The following GUCY1A2 variants were observed in gnomAD, a reference collection of about 807,000 sequenced individuals.
The protein encoded by GUCY1A2 is guanylate cyclase soluble subunit alpha-2.
A neutral mutation model predicts 63.5 loss-of-function variants in GUCY1A2; 27 were observed. That is an observed-to-expected ratio of 0.43 (90% CI 0.31 to 0.59). GUCY1A2 has a LOEUF of 0.59. Among genes scored for constraint, GUCY1A2 ranks in the 20% least tolerant of loss-of-function variants. The pLI is 0.11. For missense variants in GUCY1A2, 768 were observed against 913.3 expected (o/e 0.84, Z 2.05); for synonymous variants, 364 against 343.5 (o/e 1.06, Z -0.66).
Position 107,008,795 on chromosome 11 carries a change from C to T in GUCY1A2, c.303+8958G>A, listed in dbSNP as rs78382371. ...AAATCACGATATATATACACGTGTG[C>T]GTGTGTACATAAAAACAGTCAGAAA... On this transcript the variant is annotated intron_variant, in intron 1 of 7. Coordinates refer to ENST00000526355, the MANE Select transcript of GUCY1A2 (RefSeq NM_000855.3). 5.2e-3 allele frequency among the ~76,000 whole-genome samples: 795 copies of T among 152,208 alleles called. 6 individuals are homozygous for T. The highest frequency in any genetic ancestry group is 0.018 in the African/African-American group (742 of 41,520).
intron 3 of GUCY1A2, among the ~76,000 whole-genome samples, chr11:106,946,751 C>T (rs375245501): frequency 1.3e-5 from 2 of 152,068 alleles, no homozygotes; most frequent in African/African-American, 2.4e-5. Context: ...TATGGGGTTT[C>T]TTTTTGGAGT....
At chr11:106,755,422 C>A (rs1479125678) in intron 6 of GUCY1A2, among the ~76,000 whole-genome samples, 3 of 152,044 alleles carry the variant, frequency 2.0e-5, no homozygotes, top group African/African-American at 7.2e-5. Flanking sequence ...CTTCTCTATT[C>A]TTTTAATTGT....
At chr11:106,956,997 T>C (rs1462661234) in intron 3 of GUCY1A2, among the ~76,000 whole-genome samples, 2 of 152,174 alleles carry the variant, frequency 1.3e-5, no homozygotes, top group African/African-American at 4.8e-5. Context: ...TTGGAGATCC[T>C]GCAGGGAAGC....
At chr11:106,728,456 T>C (rs1426058178) in intron 6 of GUCY1A2, among the ~76,000 whole-genome samples, 1 of 152,158 alleles carries the variant, frequency 6.6e-6, no homozygotes. Context: ...AAACAAATAT[T>C]TGGAAATCCC....
chr11:106,973,364 G>A (rs1861221708), intron 3 of GUCY1A2, among the ~76,000 whole-genome samples: 1 of 152,026 alleles, frequency 6.6e-6, no homozygotes. Flanking sequence ...GTTGTGATGG[G>A]AAACACCATC....
intron 4 of GUCY1A2, among the ~76,000 whole-genome samples, chr11:106,848,694 A>G (rs1420398262): frequency 6.6e-6 from 1 of 151,650 alleles, no homozygotes; most frequent in Non-Finnish European, 1.5e-5. Context: ...AGAAGGACAG[A>G]CATTCCAAAA....
At chr11:106,985,439 C>A (rs976636500) in intron 2 of GUCY1A2, among the ~76,000 whole-genome samples, 2 of 152,158 alleles carry the variant, frequency 1.3e-5, no homozygotes, top group African/African-American at 4.8e-5. Context: ...ATTGAAATTA[C>A]CTCATTTAAT....
At chr11:106,733,354 A>C (rs1187666700) in intron 6 of GUCY1A2, among the ~76,000 whole-genome samples, 1 of 152,134 alleles carries the variant, frequency 6.6e-6, no homozygotes, top group Non-Finnish European at 1.5e-5. Context: ...CGAATATGCT[A>C]ACAATGTTTA....
At chr11:106,995,976 A>G (rs1018897753) in intron 1 of GUCY1A2, among the ~76,000 whole-genome samples, 2 of 93,198 alleles carry the variant, frequency 2.1e-5, no homozygotes, top group African/African-American at 4.3e-5. Context: ...GGTATTTCCC[A>G]AGAAGAGTCT....
rs1591229959 is a variant in GUCY1A2, at chr11:106,687,497, C to A, written c.*52G>T. 1 of 1,333,562 alleles carries A rather than the reference C, an allele frequency of 7.5e-7. No homozygotes were observed. The highest frequency in any genetic ancestry group is 1.1e-6 in the Non-Finnish European group (1 of 925,862). The allele number at this position is 1,333,562 out of a possible 1,614,324, so 82.6% of individuals were successfully genotyped here. On this transcript the variant is annotated 3_prime_UTR_variant, in exon 8 of 8. Transcript: ENST00000526355. ...ATCTCTTTCCACCCCCCATTGGTGA[C>A]CCATGTTCTGGGCTTGTGCTTTTTG...
intron 1 of GUCY1A2, among the ~76,000 whole-genome samples, chr11:107,005,521 A>G (rs568918736): frequency 1.1e-4 from 17 of 152,126 alleles, no homozygotes; most frequent in Admixed American, 7.9e-4. Flanking sequence ...CGATCCTCCC[A>G]TCTCAACCTC....
chr11:106,697,968 C>T (rs1862748558), intron 7 of GUCY1A2, among the ~76,000 whole-genome samples: 1 of 152,086 alleles, frequency 6.6e-6, no homozygotes, highest in Admixed American at 6.6e-5. Flanking sequence ...GTGTTCCCTA[C>T]TCCACTCCCT....
chr11:106,830,785 G>T (rs1018865721), intron 4 of GUCY1A2, among the ~76,000 whole-genome samples: 2 of 152,092 alleles, frequency 1.3e-5, no homozygotes, highest in Non-Finnish European at 2.9e-5. Context: ...CGACCCTCTA[G>T]AGAGCCCTGA....
chr11:106,928,701 T>C (rs1860562432), intron 4 of GUCY1A2, among the ~76,000 whole-genome samples: 1 of 152,170 alleles, frequency 6.6e-6, no homozygotes, highest in South Asian at 2.1e-4. Context: ...GGCTAAATGG[T>C]AGAGCTTATT....
chr11:106,974,925 T>A lies in GUCY1A2; in HGVS notation c.487+3694A>T, dbSNP rs151107887. ...TGCTTCCTAAACCTGCAAATCTTTA[T>A]ATGCTATAACTCCTCAGTAAATGAA... is the stretch of plus-strand genomic sequence containing the variant. On this transcript the variant is annotated intron_variant, in intron 3 of 7. Coordinates refer to ENST00000526355, the MANE Select transcript of GUCY1A2 (RefSeq NM_000855.3). 2.1e-3 allele frequency among the ~76,000 whole-genome samples: 316 copies of A among 152,248 alleles called. 4 individuals carry two copies. The highest frequency in any genetic ancestry group is 6.9e-3 in the African/African-American group (287 of 41,560).
At chr11:106,989,066 G>A (rs900232296) in intron 1 of GUCY1A2, among the ~76,000 whole-genome samples, 2 of 152,094 alleles carry the variant, frequency 1.3e-5, no homozygotes, top group African/African-American at 4.8e-5. Context: ...TAGATCAGTG[G>A]GAACAACAAG....
rs12270776 is a variant in GUCY1A2 at position 106,746,102 on chromosome 11, T to C, written c.1836+30337A>G. On this transcript the variant is annotated intron_variant, in intron 6 of 7. Coordinates refer to ENST00000526355, the MANE Select transcript of GUCY1A2 (RefSeq NM_000855.3). ...GCACTTCCTGGTGAAGTAGAAGCCA[T>C]GAATGAAAGCCACTGGAATCTGGGG... Among the ~76,000 whole-genome samples, 1,251 of 152,060 alleles carry C rather than the reference T, an allele frequency of 8.2e-3. 13 individuals are homozygous for C. The highest frequency in any genetic ancestry group is 0.029 in the African/African-American group (1,194 of 41,442).
intron 5 of GUCY1A2, among the ~76,000 whole-genome samples, chr11:106,792,385 C>CAAAA (rs60149576): frequency 2.4e-5 from 2 of 84,830 alleles, no homozygotes; most frequent in African/African-American, 4.4e-5. Flanking sequence ...GACTCCATCT[C>CAAAA]AAAAAAAAAA....
At chr11:106,807,142 T>C (rs1278656539) in intron 5 of GUCY1A2, among the ~76,000 whole-genome samples, 2 of 152,194 alleles carry the variant, frequency 1.3e-5, no homozygotes, top group Non-Finnish European at 1.5e-5. Flanking sequence ...TTATTCTACA[T>C]AATTACCCAA....
Sources: gnomAD v4.1 joint callset for allele counts (sites outside exome capture counted in the v4.1 genomes callset) on GRCh38, gnomAD v4.1.1 for gene constraint, MANE v1.5 for transcripts, NCBI Gene and HGNC (gene_info 2026-07-23, HGNC 2026-07-21) for gene names.